The following GFOD1 variants were observed in gnomAD, a reference collection of about 807,000 sequenced individuals.
GFOD1 encodes glucose-fructose oxidoreductase domain-containing protein 1.
A neutral mutation model predicts 25.4 loss-of-function variants in GFOD1; 9 were observed. That is an observed-to-expected ratio of 0.35 (90% CI 0.21 to 0.62). The LOEUF is 0.62. Among genes scored for constraint, GFOD1 ranks in the 20% least tolerant of loss-of-function variants. The probability of loss-of-function intolerance (pLI) is 0.72; values close to 1 mark genes in which losing one functional copy is unlikely to be tolerated. For synonymous variants in GFOD1, 253 were observed against 245.6 expected (o/e 1.03, Z -0.28); for missense variants, 403 against 556.9 (o/e 0.72, Z 2.78).
intron 1 of GFOD1, chr6:13,470,029 CTG>C (rs759447264): frequency 7.3e-7 from 1 of 1,366,330 alleles, no homozygotes; most frequent in South Asian, 1.1e-5. Context: ...CTCCCCATGA[CTG>C]AGAATATTTC....
chr6:13,392,350 A>C (rs1785630830), intron 1 of GFOD1, among the ~76,000 whole-genome samples: 1 of 150,424 alleles, frequency 6.6e-6, no homozygotes, highest in Non-Finnish European at 1.5e-5. Flanking sequence ...TCTCAAAAAA[A>C]AAAAAAAAAA....
chr6:13,453,033 C>T (rs924276968), intron 1 of GFOD1, among the ~76,000 whole-genome samples: 10 of 152,100 alleles, frequency 6.6e-5, no homozygotes, highest in Non-Finnish European at 1.0e-4. Flanking sequence ...ATTCACATGC[C>T]GGGAAAGAAG....
intron 1 of GFOD1, among the ~76,000 whole-genome samples, chr6:13,416,774 C>A (rs1462655482): frequency 6.6e-6 from 1 of 152,222 alleles, no homozygotes; most frequent in African/African-American, 2.4e-5. Context: ...ATCGAGCACT[C>A]ACTGTGTGCT....
At chr6:13,486,415 C>A in intron 1 of GFOD1, 1 of 606,420 alleles carries the variant, frequency 1.6e-6, no homozygotes, top group Non-Finnish European at 2.9e-6. Context: ...TGGGGAAGCG[C>A]GTCCAAGTGG....
At chr6:13,398,300 C>T (rs1785775859) in intron 1 of GFOD1, among the ~76,000 whole-genome samples, 1 of 93,756 alleles carries the variant, frequency 1.1e-5, no homozygotes, top group Non-Finnish European at 3.1e-5. Context: ...TAACTTGGAT[C>T]TGTTACGAGG....
intron 1 of GFOD1, among the ~76,000 whole-genome samples, chr6:13,395,123 A>G (rs1209674859): frequency 1.3e-5 from 2 of 152,092 alleles, no homozygotes; most frequent in African/African-American, 4.8e-5. Context: ...TGGCTTTGCT[A>G]TGTTGCCCAG....
rs141108415 is a variant in GFOD1 at position 13,470,094 on chromosome 6, C to T, written c.253+16544G>A. ...GGGTGAGGAATACAGATGTTGAATTCGTTTGAAAAACCGATAAATACTGCA... is the reference window on the plus strand; with the variant it reads ...GGGTGAGGAATACAGATGTTGAATTTGTTTGAAAAACCGATAAATACTGCA... On this transcript the variant is annotated intron_variant, in intron 1 of 1. Coordinates refer to ENST00000379287, the MANE Select transcript of GFOD1 (RefSeq NM_018988.4). 1.8e-5 allele frequency: 25 copies of T among 1,412,254 alleles called. No homozygotes were observed. In the East Asian group the frequency reaches 2.0e-4, roughly 11 times the overall value. 87.5% of individuals were successfully genotyped at this position (1,412,254 alleles called of 1,614,324 possible).
intron 1 of GFOD1, among the ~76,000 whole-genome samples, chr6:13,415,918 C>A (rs1356877037): frequency 1.3e-5 from 2 of 152,196 alleles, no homozygotes; most frequent in Non-Finnish European, 2.9e-5. Context: ...CAAACGTGGT[C>A]CCATCCCTCG....
At chr6:13,424,388 G>C (rs1001891953) in intron 1 of GFOD1, among the ~76,000 whole-genome samples, 1 of 152,114 alleles carries the variant, frequency 6.6e-6, no homozygotes, top group Non-Finnish European at 1.5e-5. Context: ...TCACATCAAC[G>C]CTTATCTTAA....
At chr6:13,477,189 TTCACCAGAGAAACAGAACCAATA>T (rs1758642839) in intron 1 of GFOD1, among the ~76,000 whole-genome samples, 9 of 147,578 alleles carry the variant, frequency 6.1e-5, no homozygotes, top group Middle Eastern at 7.0e-3. Flanking sequence ...TTAGTCAGGG[TTCACCAGAGAAACAGAACCAATA>T]GGGGGTGTGT....
intron 1 of GFOD1, among the ~76,000 whole-genome samples, chr6:13,409,183 G>A (rs9382056): frequency 0.039 from 2,023 of 51,552 alleles, 244 homozygotes; most frequent in East Asian, 0.17. Flanking sequence ...GAGAGAGAGA[G>A]AGAAAGAAAG....
intron 1 of GFOD1, among the ~76,000 whole-genome samples, chr6:13,375,336 T>C (rs1785236363): frequency 6.6e-6 from 1 of 152,124 alleles, no homozygotes; most frequent in African/African-American, 2.4e-5. Context: ...TGCACATATA[T>C]GCAATGTCTG....
Position 13,363,716 on chromosome 6 carries a change from A to G in GFOD1, c.*1027T>C, listed in dbSNP as rs1282521439. 1.3e-5 allele frequency: 2 copies of G among 152,060 alleles called. No homozygotes were observed. Among genetic ancestry groups the G allele is most frequent in the Non-Finnish European group, 2.9e-5 (2 of 68,024 alleles). The allele number at this position is 152,060 out of a possible 1,614,324, so 9.4% of individuals were successfully genotyped here. On this transcript the variant is annotated 3_prime_UTR_variant, in exon 2 of 2. Transcript: ENST00000379287. ...ATAGAGCCCCAAACACCTCCTGGCT[A>G]GGCTCACTTTACCCTCTATTTAGGA...
At chr6:13,486,555 A>T in intron 1 of GFOD1, 83 bp downstream of exon 1, 2 of 1,129,880 alleles carry the variant, frequency 1.8e-6, no homozygotes, top group Non-Finnish European at 2.5e-6. Context: ...TGGGATGCGG[A>T]GAGGGAAAGG....
rs184551834 is a variant in GFOD1, at chr6:13,362,955, C to G, written c.*1788G>C. The G allele has an allele frequency of 3.9e-5, 6 of 152,314 alleles. No individual in the cohort carries two copies. The highest frequency in any genetic ancestry group is 8.8e-5 in the Non-Finnish European group (6 of 68,036). 9.4% of individuals were successfully genotyped at this position (152,314 alleles called of 1,614,324 possible). Reference sequence around the variant, plus strand: ...CAATGGCAGCTATCTGAAAAGAACTCTAAACCTCAGTTGCATGTAAAGACA... The same window carrying G: ...CAATGGCAGCTATCTGAAAAGAACTGTAAACCTCAGTTGCATGTAAAGACA... On this transcript the variant is annotated 3_prime_UTR_variant, in exon 2 of 2. Coordinates refer to ENST00000379287, the MANE Select transcript of GFOD1 (RefSeq NM_018988.4).
intron 1 of GFOD1, among the ~76,000 whole-genome samples, chr6:13,476,967 A>G (rs1443067006): frequency 6.6e-6 from 1 of 152,044 alleles, no homozygotes; most frequent in Non-Finnish European, 1.5e-5. Flanking sequence ...CTCTTTACCA[A>G]CAATCTCCTT....
rs1785002795 is a variant in GFOD1, at chr6:13,364,627, T to A, written c.*116A>T. On this transcript the variant is annotated 3_prime_UTR_variant, in exon 2 of 2. Transcript: ENST00000379287. This position sits in a 1 kb window ranked among gnomAD's most constrained non-coding sequence, Gnocchi z 4.1. Reference sequence around the variant, plus strand: ...CTTCCTAGATGCCATTTATTCACACTGTCCCTCCACCTCCCTGATCCCCAC... The same window carrying A: ...CTTCCTAGATGCCATTTATTCACACAGTCCCTCCACCTCCCTGATCCCCAC... 2 of 852,988 alleles carry A rather than the reference T, an allele frequency of 2.3e-6. No individual in the cohort carries two copies. The highest frequency in any genetic ancestry group is 3.5e-5 in the South Asian group (2 of 57,726). 52.8% of individuals were successfully genotyped at this position (852,988 alleles called of 1,614,324 possible).
chr6:13,390,518 G>T (rs1785567310), intron 1 of GFOD1, among the ~76,000 whole-genome samples: 1 of 152,066 alleles, frequency 6.6e-6, no homozygotes, highest in Admixed American at 6.6e-5. Context: ...TTGAACCCAG[G>T]AGTTTGAGAC....
intron 1 of GFOD1, among the ~76,000 whole-genome samples, chr6:13,468,481 T>C (rs1375661026): frequency 1.3e-5 from 2 of 152,230 alleles, no homozygotes; most frequent in African/African-American, 2.4e-5. Flanking sequence ...ATTGTTGTTA[T>C]TTTAGGTTAT....
Sources: allele counts gnomAD v4.1 joint callset (sites outside exome capture counted in the v4.1 genomes callset), GRCh38; gene constraint gnomAD v4.1.1; non-coding constraint Gnocchi (gnomAD v3.1); transcripts MANE v1.5; gene names NCBI Gene and HGNC (gene_info 2026-07-23, HGNC 2026-07-21).